FHIT: variants seen among roughly 807,000 people sequenced by gnomAD.
FHIT encodes fragile histidine triad diadenosine triphosphatase, also known as bis(5'-adenosyl)-triphosphatase.
FHIT carries 19 observed loss-of-function variants against 17.9 expected under a neutral mutation model. The observed-to-expected ratio is 1.06, with a 90% CI of 0.74 to 1.56. FHIT has a LOEUF of 1.56. FHIT is among the 40% of genes most tolerant of loss of function. FHIT has a pLI of 0.00. For missense variants in FHIT, 248 were observed against 189.2 expected, an observed-to-expected ratio of 1.31 and a Z score of -1.82; for synonymous variants, 81 against 69.7, an observed-to-expected ratio of 1.16 and a Z score of -0.81.
At chr3:60,642,085 G>A (rs2039739198) in intron 4 of FHIT, among the ~76,000 whole-genome samples, 1 of 152,024 alleles carries the variant, frequency 6.6e-6, no homozygotes, top group Non-Finnish European at 1.5e-5. Context: ...ACTTCCATGG[G>A]AGTAAACATC....
intron 5 of FHIT, among the ~76,000 whole-genome samples, chr3:60,231,211 A>G (rs921087005): frequency 2.0e-5 from 3 of 152,172 alleles, no homozygotes; most frequent in Admixed American, 1.3e-4. Context: ...TTGCAGATAT[A>G]TATGTGTGTA....
chr3:59,969,789 G>C (rs1708095078), intron 7 of FHIT, among the ~76,000 whole-genome samples: 1 of 152,054 alleles, frequency 6.6e-6, no homozygotes, highest in Non-Finnish European at 1.5e-5. Flanking sequence ...TCAAAAGCGA[G>C]ATATTTTCTT....
intron 8 of FHIT, among the ~76,000 whole-genome samples, chr3:59,859,163 G>C (rs1369129941): frequency 6.6e-6 from 1 of 152,188 alleles, no homozygotes; most frequent in Non-Finnish European, 1.5e-5. Context: ...AATGCTCAAA[G>C]AATGATGGGG....
At chr3:61,005,637 C>A (rs1474202438) in intron 3 of FHIT, among the ~76,000 whole-genome samples, 1 of 152,106 alleles carries the variant, frequency 6.6e-6, no homozygotes, top group African/African-American at 2.4e-5. Context: ...GTCCCTCAAT[C>A]CAAGAAGAAG....
At chr3:60,025,883 C>G (rs1474585044) in intron 5 of FHIT, among the ~76,000 whole-genome samples, 1 of 152,092 alleles carries the variant, frequency 6.6e-6, no homozygotes, top group African/African-American at 2.4e-5. Flanking sequence ...AACAAAGCAG[C>G]AATTCATTAA....
chr3:60,950,831 G>A (rs541190207), intron 3 of FHIT, among the ~76,000 whole-genome samples: 1 of 152,040 alleles, frequency 6.6e-6, no homozygotes, highest in Non-Finnish European at 1.5e-5. Flanking sequence ...CCTAGGTAGG[G>A]CTTTTCTTCT....
In FHIT at chr3:60,536,997, G is replaced by C; in HGVS notation, c.-17-18C>G. The C allele has an allele frequency of 1.3e-6, 2 of 1,582,538 alleles. No homozygotes were observed. Among genetic ancestry groups the C allele is most frequent in the South Asian group, 1.2e-5 (1 of 84,722 alleles). ...GTTGAAGTCTAAAAGAAAAGACAAT[G>C]GATAGTTATAAAATTCAATTAAGAA... is the stretch of plus-strand genomic sequence containing the variant. On this transcript the variant is annotated intron_variant, in intron 4 of 9. Coordinates refer to ENST00000492590, the MANE Select transcript of FHIT (RefSeq NM_002012.4).
chr3:60,161,338 T>C (rs773085290), intron 5 of FHIT, among the ~76,000 whole-genome samples: 4 of 152,202 alleles, frequency 2.6e-5, no homozygotes, highest in South Asian at 2.1e-4. Flanking sequence ...CTGCCTGCCA[T>C]AGTCATGGCC....
chr3:60,992,772 T>C (rs1389154862), intron 3 of FHIT, among the ~76,000 whole-genome samples: 1 of 152,230 alleles, frequency 6.6e-6, no homozygotes, highest in Non-Finnish European at 1.5e-5. Context: ...GGATCACTTC[T>C]TTTTTGTTTT....
chr3:61,031,329 G>A (rs111332929), intron 3 of FHIT, among the ~76,000 whole-genome samples: 31 of 151,978 alleles, frequency 2.0e-4, no homozygotes, highest in African/African-American at 7.5e-4. Context: ...GGTCTTACAG[G>A]TTACCACCCA....
chr3:59,948,467 A>C lies in FHIT; in HGVS notation c.280-26053T>G, dbSNP rs182243467. On this transcript the variant is annotated intron_variant, in intron 7 of 9. Transcript: ENST00000492590. ...GGGAGGTGGAGGTTGCAGTGAGCTG[A>C]GATCATGCCACTGCACTCCAGCCTG... 3.8e-3 allele frequency among the ~76,000 whole-genome samples: 572 copies of C among 152,054 alleles called. 5 individuals carry two copies. The highest frequency in any genetic ancestry group is 0.013 in the African/African-American group (533 of 41,482).
chr3:59,892,682 C>T (rs1386879457), intron 8 of FHIT, among the ~76,000 whole-genome samples: 1 of 152,132 alleles, frequency 6.6e-6, no homozygotes, highest in Non-Finnish European at 1.5e-5. Context: ...TATGTTTAAT[C>T]ACCTCTTAAA....
At position 60,270,274 on chromosome 3, in the gene FHIT, G is replaced by T. The variant is rs139112296; in HGVS notation, c.104-256122C>A. Among the ~76,000 whole-genome samples, 91 of 152,320 alleles carry T rather than the reference G, an allele frequency of 6.0e-4. 1 individual carries two copies. The highest frequency in any genetic ancestry group is 2.0e-3 in the African/African-American group (84 of 41,574). On this transcript the variant is annotated intron_variant, in intron 5 of 9. Coordinates refer to ENST00000492590, the MANE Select transcript of FHIT (RefSeq NM_002012.4). ...CTGCAGTTCTTGCTTGCCTCCCCCA[G>T]TGAGGCTTTGTTGCCCTCTCTCTTT...
intron 7 of FHIT, among the ~76,000 whole-genome samples, chr3:60,000,554 G>C (rs1699689441): frequency 6.6e-6 from 1 of 152,066 alleles, no homozygotes; most frequent in African/African-American, 2.4e-5. Context: ...CTAAAGATGA[G>C]TTCAAACCCA....
intron 5 of FHIT, among the ~76,000 whole-genome samples, chr3:60,301,417 T>G (rs1417105008): frequency 1.3e-5 from 2 of 152,174 alleles, no homozygotes; most frequent in African/African-American, 4.8e-5. Context: ...CTATAATTAC[T>G]GACTAAACCT....
At chr3:60,723,312 A>C (rs533884674) in intron 4 of FHIT, among the ~76,000 whole-genome samples, 2 of 151,966 alleles carry the variant, frequency 1.3e-5, no homozygotes, top group African/African-American at 4.8e-5. Context: ...CCTGTTTGCA[A>C]TGTTGGCCTT....
At chr3:60,425,412 C>G (rs1702625564) in intron 5 of FHIT, among the ~76,000 whole-genome samples, 2 of 152,148 alleles carry the variant, frequency 1.3e-5, no homozygotes, top group Non-Finnish European at 2.9e-5. Context: ...TCTCTCCCAC[C>G]CTGGGCCTCC....
intron 4 of FHIT, among the ~76,000 whole-genome samples, chr3:60,563,961 C>A (rs997395785): frequency 1.3e-5 from 2 of 152,192 alleles, no homozygotes; most frequent in African/African-American, 4.8e-5. Flanking sequence ...AGTGACAAAA[C>A]AGCCTTCTAT....
At chr3:61,071,452 G>A (rs893272746) in intron 2 of FHIT, among the ~76,000 whole-genome samples, 2 of 152,184 alleles carry the variant, frequency 1.3e-5, no homozygotes, top group Non-Finnish European at 2.9e-5. Flanking sequence ...TATATCATGT[G>A]TGGATGCTCA....
Sources: gnomAD v4.1 joint callset for allele counts (sites outside exome capture counted in the v4.1 genomes callset) on GRCh38, gnomAD v4.1.1 for gene constraint, MANE v1.5 for transcripts, NCBI Gene and HGNC (gene_info 2026-07-23, HGNC 2026-07-21) for gene names.